Variants in EPB41L4A observed in about 807,000 individuals in gnomAD.
The protein encoded by EPB41L4A is erythrocyte membrane protein band 4.1 like 4A.
EPB41L4A carries 100 observed loss-of-function variants against 108.6 expected under a neutral mutation model. That is an observed-to-expected ratio of 0.92 (90% CI 0.78 to 1.09). The LOEUF (loss-of-function observed/expected upper bound fraction) is 1.09. Among genes scored for constraint, EPB41L4A ranks in the 50% least tolerant of loss-of-function variants. The probability of loss-of-function intolerance (pLI) is 0.00; values close to 1 mark genes in which losing one functional copy is unlikely to be tolerated. For missense variants in EPB41L4A, 1,030 were observed against 842.7 expected (o/e 1.22, Z -2.75); for synonymous variants, 319 against 289.0 (o/e 1.10, Z -1.05).
intron 1 of EPB41L4A, among the ~76,000 whole-genome samples, chr5:112,314,538 A>AAAAAAAAAAAAAAAAAAAAG (rs1561563700): frequency 9.0e-6 from 1 of 111,238 alleles, no homozygotes; most frequent in African/African-American, 3.6e-5. Flanking sequence ...AAAAAAAAAA[A>AAAAAAAAAAAAAAAAAAAAG]GAAAAGAAAT....
chr5:112,207,626 A>C (rs1762533797), intron 13 of EPB41L4A, among the ~76,000 whole-genome samples: 2 of 150,696 alleles, frequency 1.3e-5, no homozygotes, highest in African/African-American at 5.0e-5. Flanking sequence ...ATCAACAGGC[A>C]CTTTTCCAAA....
chr5:112,230,626 A>T (rs1018899615), intron 12 of EPB41L4A, among the ~76,000 whole-genome samples: 33 of 152,158 alleles, frequency 2.2e-4, no homozygotes, highest in African/African-American at 6.8e-4. Flanking sequence ...TCTGGATATT[A>T]GTCCTTTGCT....
At chr5:112,247,480 C>G (rs1334582224) in intron 9 of EPB41L4A, among the ~76,000 whole-genome samples, 1 of 152,136 alleles carries the variant, frequency 6.6e-6, no homozygotes. Context: ...TGTGGCAGGA[C>G]ATACTGAGAA....
intron 16 of EPB41L4A, among the ~76,000 whole-genome samples, chr5:112,195,417 G>A (rs1003185983): frequency 6.6e-6 from 1 of 151,756 alleles, no homozygotes; most frequent in Admixed American, 6.6e-5. Context: ...ACTGAGTTCT[G>A]CAGTGGTTTA....
At chr5:112,336,657 G>C (rs1190291892) in intron 1 of EPB41L4A, among the ~76,000 whole-genome samples, 1 of 152,176 alleles carries the variant, frequency 6.6e-6, no homozygotes, top group African/African-American at 2.4e-5. Context: ...AGTTAGTCAG[G>C]GTGTGAGAGG....
At chr5:112,185,351 G>T (rs980182410) in intron 17 of EPB41L4A, among the ~76,000 whole-genome samples, 2 of 152,204 alleles carry the variant, frequency 1.3e-5, no homozygotes, top group African/African-American at 4.8e-5. Context: ...ATTGCACTTA[G>T]TATAGACTGT....
intron 1 of EPB41L4A, among the ~76,000 whole-genome samples, chr5:112,358,662 T>A (rs1758517454): frequency 6.6e-6 from 1 of 152,172 alleles, no homozygotes; most frequent in Non-Finnish European, 1.5e-5. Context: ...CTTCTAAAGC[T>A]AAACATACAC....
chr5:112,154,470 T>A (rs1759580319), intron 12 of EPB41L4A, among the ~76,000 whole-genome samples: 1 of 152,226 alleles, frequency 6.6e-6, no homozygotes, highest in African/African-American at 2.4e-5. Flanking sequence ...TTTTAAACAT[T>A]ATCTTAAAAT....
In EPB41L4A at chr5:112,164,879, G is replaced by T; in HGVS notation, c.*111C>A. On this transcript the variant is annotated 3_prime_UTR_variant, in exon 23 of 23. Coordinates refer to ENST00000261486, the MANE Select transcript of EPB41L4A (RefSeq NM_022140.5). ...AAAAGATAATGTATTTTCTCATGCT[G>T]AAGAAATACTTGCAGGTCTGAGATT... 15 of 1,021,714 alleles carry T rather than the reference G, an allele frequency of 1.5e-5. No homozygotes were observed. Among genetic ancestry groups the T allele is most frequent in the South Asian group, 2.2e-5 (1 of 45,858 alleles). The allele number at this position is 1,021,714 out of a possible 1,614,324, so 63.3% of individuals were successfully genotyped here.
intron 1 of EPB41L4A, among the ~76,000 whole-genome samples, chr5:112,405,453 A>C (rs1762024265): frequency 6.6e-6 from 1 of 152,236 alleles, no homozygotes; most frequent in South Asian, 2.1e-4. Context: ...ATAATTTGCC[A>C]CATAGCAATA....
intron 12 of EPB41L4A, among the ~76,000 whole-genome samples, chr5:112,147,864 C>T (rs893786814): frequency 1.3e-5 from 2 of 151,604 alleles, no homozygotes; most frequent in Non-Finnish European, 2.9e-5. Context: ...CGTGGTGAAA[C>T]CTTGTCTCTA....
chr5:112,391,569 T>C (rs1350996005), intron 1 of EPB41L4A, among the ~76,000 whole-genome samples: 1 of 151,948 alleles, frequency 6.6e-6, no homozygotes, highest in Admixed American at 6.6e-5. Context: ...CTCCAAGAAA[T>C]ATGGGACTAT....
In EPB41L4A at chr5:112,259,887, C is replaced by A. The variant is rs550299605; in HGVS notation, c.731+4G>T. The A allele has an allele frequency of 6.2e-7, 1 of 1,611,394 alleles. No homozygotes were observed. The highest frequency in any genetic ancestry group is 8.5e-7 in the Non-Finnish European group (1 of 1,177,516). ...TGCCAACTCTGTTCTCAAGCCATAC[C>A]TACCAGAAATACTTCCCCACTTGCT... On this transcript the variant is annotated splice_donor_region_variant and intron_variant, in intron 8 of 22. Transcript: ENST00000261486.
At position 112,168,103 on chromosome 5, in the gene EPB41L4A, T is replaced by C. The variant is rs144723581; in HGVS notation, c.1932+636A>G. Among the ~76,000 whole-genome samples the C allele has an allele frequency of 3.0e-3, 457 of 152,312 alleles. 2 individuals are homozygous for C. Among genetic ancestry groups the C allele is most frequent in the African/African-American group, 0.01 (429 of 41,560 alleles). On this transcript the variant is annotated intron_variant, in intron 22 of 22. Coordinates refer to ENST00000261486, the MANE Select transcript of EPB41L4A (RefSeq NM_022140.5). ...AACCAGATATAAATCCATCTAACTG[T>C]CTTATTCAGCCCACATTTTTTCCCA...
intron 13 of EPB41L4A, among the ~76,000 whole-genome samples, chr5:112,144,753 T>C (rs759342828): frequency 4.6e-5 from 7 of 152,182 alleles, no homozygotes; most frequent in Non-Finnish European, 7.3e-5. Context: ...GTGATAGACA[T>C]TGGGGCCATG....
At chr5:112,225,048 TTA>T (rs1437731659) in intron 12 of EPB41L4A, among the ~76,000 whole-genome samples, 1 of 152,238 alleles carries the variant, frequency 6.6e-6, no homozygotes, top group Non-Finnish European at 1.5e-5. Flanking sequence ...AGAGCTATTA[TTA>T]TGTTACTGTC....
chr5:112,192,311 GA>G (rs1200668578), intron 17 of EPB41L4A: 1 of 152,196 alleles, frequency 6.6e-6, no homozygotes, highest in East Asian at 1.9e-4. Context: ...CAGTGGTGGG[GA>G]TCAGAACTGA....
At chr5:112,265,092 A>G in intron 5 of EPB41L4A, 76 bp from the exon 6 acceptor site, 1 of 1,231,078 alleles carries the variant, frequency 8.1e-7, no homozygotes, top group South Asian at 1.9e-5. Context: ...AATATTCCTA[A>G]CATGCTTAAA....
intron 1 of EPB41L4A, among the ~76,000 whole-genome samples, chr5:112,338,004 G>A (rs895697611): frequency 2.6e-5 from 4 of 152,070 alleles, no homozygotes; most frequent in African/African-American, 4.8e-5. Flanking sequence ...CTCCTAAATC[G>A]CTCGCCTTGC....
Sources: allele counts gnomAD v4.1 joint callset (sites outside exome capture counted in the v4.1 genomes callset), GRCh38; gene constraint gnomAD v4.1.1; transcripts MANE v1.5; gene names NCBI Gene and HGNC (gene_info 2026-07-23, HGNC 2026-07-21).